The following ADAMTS10 variants were observed in gnomAD, a reference collection of about 807,000 sequenced individuals.
ADAMTS10 encodes the protein ADAM metallopeptidase with thrombospondin type 1 motif 10.
Under a neutral mutation model 135.9 loss-of-function variants are expected in ADAMTS10, and 48 were observed. The observed-to-expected ratio is 0.35, with a 90% CI of 0.28 to 0.45. The LOEUF (loss-of-function observed/expected upper bound fraction) is 0.45, where lower values mean the gene tolerates loss of function less well. Ranked by LOEUF, ADAMTS10 falls within the 20% of genes least tolerant of loss-of-function variation. The pLI, the probability that ADAMTS10 is intolerant of heterozygous loss-of-function variation, is 1.00. For synonymous variants in ADAMTS10, 621 were observed against 647.5 expected, an observed-to-expected ratio of 0.96 and a Z score of 0.62; for missense variants, 1,131 against 1,565.2, an observed-to-expected ratio of 0.72 and a Z score of 4.68.
chr19:8,599,607 A>C (rs998187566), intron 6 of ADAMTS10, among the ~76,000 whole-genome samples: 2 of 151,888 alleles, frequency 1.3e-5, no homozygotes, highest in African/African-American at 4.8e-5. Flanking sequence ...CTGGGATTAC[A>C]GGTGTGAGCC....
chr19:8,591,125 G>T (rs2042519113), intron 15 of ADAMTS10, among the ~76,000 whole-genome samples: 1 of 152,152 alleles, frequency 6.6e-6, no homozygotes, highest in Admixed American at 6.6e-5. Context: ...ACTGGGTTTG[G>T]TGAGAGGAAG....
At chr19:8,598,286 C>A (rs1029126634) in intron 6 of ADAMTS10, among the ~76,000 whole-genome samples, 3 of 151,812 alleles carry the variant, frequency 2.0e-5, no homozygotes, top group African/African-American at 4.8e-5. Flanking sequence ...ATCTACTTGT[C>A]CCCCAACCCC....
intron 13 of ADAMTS10, 121 bp from the exon 14 acceptor site, chr19:8,592,224 G>GAT (rs2146067242): frequency 3.2e-6 from 5 of 1,540,200 alleles, no homozygotes; most frequent in Admixed American, 2.0e-5. Context: ...GGGCAGAGGC[G>GAT]GGGTCTGAAC....
chr19:8,592,340 C>G, intron 13 of ADAMTS10: 1 of 765,828 alleles, frequency 1.3e-6, no homozygotes, highest in South Asian at 1.8e-5. Flanking sequence ...GGGGTGTAGA[C>G]AGGACCACGA....
At position 8,598,731 on chromosome 19, in the gene ADAMTS10, C is replaced by T. The variant is rs980865027; in HGVS notation, c.811-1414G>A. Among the ~76,000 whole-genome samples, 9 of 151,970 alleles carry T rather than the reference C, an allele frequency of 5.9e-5. No individual in the cohort carries two copies. The South Asian group carries it at 6.3e-4, about 11-fold the overall frequency. ...CTGGGACTACAGGTGCCCGCCACCA[C>T]GCCCAGCTGATTTTTGTATTTTTAG... On this transcript the variant is annotated intron_variant, in intron 6 of 25. Coordinates refer to ENST00000597188, the MANE Select transcript of ADAMTS10 (RefSeq NM_030957.4).
Position 8,596,205 on chromosome 19 carries a change from T to C in ADAMTS10, c.1205A>G (p.His402Arg). ...CCCACAGCTGTTTCCCACGCCGTCA[T>C]GGTTCATGCCGAATCTGGGGAAAGG... ...HEIGHTFGMN[H>R]DGVGNSCGAR... Residue 402 changes from histidine (H) to arginine (R), a missense_variant, in exon 11 of 26, where the codon CAT (histidine) becomes CGT (arginine). Coordinates refer to ENST00000597188, the MANE Select transcript of ADAMTS10 (RefSeq NM_030957.4). This position sits in a 1 kb window ranked among gnomAD's most constrained non-coding sequence, Gnocchi z 7.2. The C allele has an allele frequency of 1.9e-6, 3 of 1,614,008 alleles. No homozygotes were observed. Among genetic ancestry groups the C allele is most frequent in the Non-Finnish European group, 2.5e-6 (3 of 1,180,006 alleles).
Position 8,603,937 on chromosome 19 carries a change from A to G in ADAMTS10, c.436-53T>C, listed in dbSNP as rs116798327. On this transcript the variant is annotated intron_variant, in intron 4 of 25. Transcript: ENST00000597188. ...CTCTCAGGATCAGGTTCTGGAGCTT[A>G]GGACCCCTGGGACCTTCTCTCTGTC... is the stretch of plus-strand genomic sequence containing the variant. 328 of 1,541,438 alleles carry G rather than the reference A, an allele frequency of 2.1e-4. 1 individual carries two copies. The African/African-American group carries it at 4.3e-3, about 20-fold the overall frequency.
At chr19:8,587,390 T>G (rs989639382) in intron 18 of ADAMTS10, among the ~76,000 whole-genome samples, 1 of 125,202 alleles carries the variant, frequency 8.0e-6, no homozygotes, top group Non-Finnish European at 1.6e-5. Context: ...TTGCTCAGGC[T>G]GGTCTCAAAC....
At position 8,596,464 on chromosome 19, in the gene ADAMTS10, G is replaced by C. The variant is rs1555740262; in HGVS notation, c.1085-52C>G. 1 of 1,611,678 alleles carries C rather than the reference G, an allele frequency of 6.2e-7. No individual in the cohort carries two copies. The highest frequency in any genetic ancestry group is 8.5e-7 in the Non-Finnish European group (1 of 1,178,894). On this transcript the variant is annotated intron_variant, in intron 9 of 25. Coordinates refer to ENST00000597188, the MANE Select transcript of ADAMTS10 (RefSeq NM_030957.4). This position sits in a 1 kb window ranked among gnomAD's most constrained non-coding sequence, Gnocchi z 7.2. ...GGCTGGGAGGCTCAGGACGGTGCTG[G>C]CTGGCCCCATCCACCTGCCAGGTCT...
At chr19:8,594,904 G>A (rs1555739834) in intron 12 of ADAMTS10, among the ~76,000 whole-genome samples, 2 of 152,142 alleles carry the variant, frequency 1.3e-5, no homozygotes, top group Admixed American at 1.3e-4. Flanking sequence ...TGTCAAGGGT[G>A]GAATGTCAGT....
chr19:8,586,681 C>T lies in ADAMTS10; in HGVS notation c.2280G>A (p.Leu760=). 1 of 1,613,220 alleles carries T rather than the reference C, an allele frequency of 6.2e-7. No individual in the cohort carries two copies. Residue 760 remains leucine (L), a synonymous_variant, in exon 20 of 26, where the codon CTG becomes CTA. Coordinates refer to ENST00000597188, the MANE Select transcript of ADAMTS10 (RefSeq NM_030957.4). ...GDQESLLLEG[L]PGTPQPHRLP... Reference sequence around the variant, plus strand: ...GACGGTGGGGCTGGGGGGTCCCAGGCAGCCCCTCCAGCAGCAGGGACTCCT... The same window carrying T: ...GACGGTGGGGCTGGGGGGTCCCAGGTAGCCCCTCCAGCAGCAGGGACTCCT...
intron 17 of ADAMTS10, 36 bp from the exon 18 acceptor site, chr19:8,589,401 A>AACCCCCCCCCCCCCCCCAACCCCCAAC: frequency 1.9e-6 from 3 of 1,599,434 alleles, no homozygotes; most frequent in Non-Finnish European, 2.6e-6. Context: ...CGACCCCCTA[A>AACCCCCCCCCCCCCCCCAACCCCCAAC]CCCACCCCCG....
rs782344200 is a variant in ADAMTS10, at chr19:8,586,601, C to T, written c.2360G>A (p.Ser787Asn). Reference protein sequence around the residue: ...QLRQGPDQVQSLEALGPINAS... With the variant: ...QLRQGPDQVQNLEALGPINAS... The stretch of plus-strand genomic sequence containing the variant: ...ATTAATCGGTCCCAGGGCTTCGAGG[C>T]TCTGGACCTGGTCTGGCCCCTGTCG... Residue 787 changes from serine to asparagine, a missense_variant, in exon 20 of 26, where the codon AGC (serine) becomes AAC (asparagine). Coordinates refer to ENST00000597188, the MANE Select transcript of ADAMTS10 (RefSeq NM_030957.4). The T allele has an allele frequency of 9.3e-6, 15 of 1,614,068 alleles. No individual in the cohort carries two copies. The highest frequency in any genetic ancestry group is 8.5e-7 in the Non-Finnish European group (1 of 1,180,024).
intron 1 of ADAMTS10, among the ~76,000 whole-genome samples, chr19:8,609,591 G>C (rs919239806): frequency 6.6e-6 from 1 of 152,118 alleles, no homozygotes; most frequent in Non-Finnish European, 1.5e-5. Flanking sequence ...AGTCCCTGCC[G>C]GAGAGCAGAC....
rs782279692 is a variant in ADAMTS10 at position 8,586,294 on chromosome 19, A to G, written c.2531-43T>C. On this transcript the variant is annotated intron_variant, in intron 21 of 25. Coordinates refer to ENST00000597188, the MANE Select transcript of ADAMTS10 (RefSeq NM_030957.4). ...AGGCCTGCTCAGCCCCTCCCGGCCC[A>G]GAGAACCTCAGCCCAGGTATCTTGT... The G allele has an allele frequency of 1.9e-6, 3 of 1,613,356 alleles. No homozygotes were observed. The South Asian group carries it at 3.3e-5, about 18-fold the overall frequency.
At position 8,603,720 on chromosome 19, in the gene ADAMTS10, C is replaced by T. The variant is rs201882173; in HGVS notation, c.592+8G>A. The T allele has an allele frequency of 3.6e-5, 58 of 1,614,082 alleles. No individual in the cohort carries two copies. Among genetic ancestry groups the T allele is most frequent in the South Asian group, 7.7e-5 (7 of 91,082 alleles). ...GCCCTCTGCCCATCCCCAGAAAGACCGATGTACCTCTCACTCCACAGGCTG... is the reference window on the plus strand; with the variant it reads ...GCCCTCTGCCCATCCCCAGAAAGACTGATGTACCTCTCACTCCACAGGCTG... On this transcript the variant is annotated splice_region_variant and intron_variant, in intron 5 of 25. Transcript: ENST00000597188.
At chr19:8,587,804 T>G (rs2146048153) in intron 18 of ADAMTS10, among the ~76,000 whole-genome samples, 1 of 150,888 alleles carries the variant, frequency 6.6e-6, no homozygotes, top group Non-Finnish European at 1.5e-5. Context: ...GGTGGCGGGC[T>G]CCTGTAGTCC....
intron 25 of ADAMTS10, among the ~76,000 whole-genome samples, chr19:8,583,560 T>A (rs1281053648): frequency 2.7e-5 from 4 of 147,078 alleles, no homozygotes; most frequent in African/African-American, 7.6e-5. Flanking sequence ...AAAAAAAAAA[T>A]TTACAGCCAG....
chr19:8,589,409 C>A, intron 17 of ADAMTS10, 43 bp downstream of exon 17: 1 of 1,611,372 alleles, frequency 6.2e-7, no homozygotes, highest in Non-Finnish European at 8.5e-7. Flanking sequence ...TAACCCACCC[C>A]CGCTCCCCAT....
Sources: allele counts gnomAD v4.1 joint callset (sites outside exome capture counted in the v4.1 genomes callset), GRCh38; gene constraint gnomAD v4.1.1; non-coding constraint Gnocchi (gnomAD v3.1); transcripts MANE v1.5; gene names NCBI Gene and HGNC (gene_info 2026-07-23, HGNC 2026-07-21).